The following TMCC1 variants were observed in gnomAD, a reference collection of about 807,000 sequenced individuals.
The protein encoded by TMCC1 is transmembrane and coiled-coil domain family 1.
In TMCC1, 15 loss-of-function variants were observed where a neutral mutation model predicts 52.4. The observed-to-expected ratio is 0.29, with a 90% confidence interval of 0.19 to 0.44. The LOEUF is 0.44. TMCC1 is among the 20% of genes least tolerant of loss of function. The probability of loss-of-function intolerance (pLI) is 1.00; values close to 1 mark genes in which losing one functional copy is unlikely to be tolerated. For synonymous variants in TMCC1, 279 were observed against 301.9 expected, an observed-to-expected ratio of 0.92 and a Z score of 0.79; for missense variants, 503 against 806.0, an observed-to-expected ratio of 0.62 and a Z score of 4.55.
chr3:129,872,916 ATT>A (rs1359318304), intron 2 of TMCC1, among the ~76,000 whole-genome samples: 27 of 143,658 alleles, frequency 1.9e-4, no homozygotes, highest in East Asian at 2.0e-4. Flanking sequence ...TACGCATGGA[ATT>A]TTTTTTTTTT....
intron 2 of TMCC1, among the ~76,000 whole-genome samples, chr3:129,866,180 G>C (rs2060619017): frequency 6.7e-6 from 1 of 150,264 alleles, no homozygotes; most frequent in Non-Finnish European, 1.5e-5. Context: ...TTATGCTTTA[G>C]AGACTTCATC....
At chr3:129,739,843 C>T (rs764913729) in intron 4 of TMCC1, among the ~76,000 whole-genome samples, 3 of 152,240 alleles carry the variant, frequency 2.0e-5, no homozygotes, top group Non-Finnish European at 2.9e-5. Context: ...AGAAATATTG[C>T]GAAAACCTGA....
chr3:129,781,369 C>A (rs2055511523), intron 4 of TMCC1, among the ~76,000 whole-genome samples: 1 of 152,104 alleles, frequency 6.6e-6, no homozygotes, highest in South Asian at 2.1e-4. Context: ...GAGAATAAAG[C>A]AAATAGTACT....
intron 4 of TMCC1, among the ~76,000 whole-genome samples, chr3:129,758,883 T>G (rs1007708856): frequency 6.6e-6 from 1 of 152,234 alleles, no homozygotes; most frequent in East Asian, 1.9e-4. Flanking sequence ...TTCTATGAAT[T>G]TGACTGCTTA....
intron 4 of TMCC1, among the ~76,000 whole-genome samples, chr3:129,764,436 C>T (rs946317615): frequency 6.6e-6 from 1 of 152,142 alleles, no homozygotes; most frequent in African/African-American, 2.4e-5. Flanking sequence ...ACTGCTATCA[C>T]AAGGTTAAGT....
At chr3:129,874,973 A>G (rs191978443) in intron 2 of TMCC1, among the ~76,000 whole-genome samples, 158 of 152,268 alleles carry the variant, frequency 1.0e-3, no homozygotes, top group African/African-American at 3.4e-3. Context: ...ATTCTCCACA[A>G]TATTTGAGTA....
intron 5 of TMCC1, among the ~76,000 whole-genome samples, chr3:129,668,694 C>T (rs138425386): frequency 0.015 from 2,350 of 152,284 alleles, 48 homozygotes; most frequent in African/African-American, 0.054. Flanking sequence ...GGCACGATCT[C>T]GGCTCACTGC....
intron 2 of TMCC1, among the ~76,000 whole-genome samples, chr3:129,837,937 T>C (rs2059239228): frequency 6.6e-6 from 1 of 152,094 alleles, no homozygotes; most frequent in African/African-American, 2.4e-5. Flanking sequence ...AACTTGAAAA[T>C]AGGCTAGTAG....
intron 4 of TMCC1, among the ~76,000 whole-genome samples, chr3:129,706,625 A>T (rs2048265310): frequency 6.6e-6 from 1 of 152,208 alleles, no homozygotes; most frequent in Admixed American, 6.5e-5. Context: ...TCCTACTAGC[A>T]TTCAAGTGGA....
At chr3:129,696,150 G>A in intron 4 of TMCC1, among the ~76,000 whole-genome samples, 1 of 152,156 alleles carries the variant, frequency 6.6e-6, no homozygotes, top group South Asian at 2.1e-4. Context: ...ACCTTTTAGA[G>A]GTCTGAATAG....
At chr3:129,844,053 G>C (rs2059549786) in intron 2 of TMCC1, among the ~76,000 whole-genome samples, 1 of 152,182 alleles carries the variant, frequency 6.6e-6, no homozygotes, top group Non-Finnish European at 1.5e-5. Context: ...GTTTATCCCA[G>C]GGATGTAGGG....
chr3:129,814,946 TG>T (rs532732532), intron 4 of TMCC1, among the ~76,000 whole-genome samples: 149 of 152,218 alleles, frequency 9.8e-4, no homozygotes, highest in African/African-American at 3.3e-3. Flanking sequence ...ACTGATAGAC[TG>T]TAATACAATA....
intron 4 of TMCC1, among the ~76,000 whole-genome samples, chr3:129,724,476 C>A (rs908942454): frequency 6.6e-6 from 1 of 152,194 alleles, no homozygotes; most frequent in African/African-American, 2.4e-5. Flanking sequence ...AGCTGAAGAA[C>A]CCCAAACCAC....
intron 5 of TMCC1, among the ~76,000 whole-genome samples, chr3:129,655,818 C>T (rs1170434593): frequency 6.6e-6 from 1 of 152,110 alleles, no homozygotes; most frequent in South Asian, 2.1e-4. Flanking sequence ...GACAGAGTGC[C>T]GGTGATCGCC....
intron 2 of TMCC1, among the ~76,000 whole-genome samples, chr3:129,853,652 T>C (rs553215770): frequency 1.6e-3 from 216 of 135,884 alleles, no homozygotes; most frequent in African/African-American, 5.8e-3. Flanking sequence ...AAAAAAAAAA[T>C]CAATAAAATA....
chr3:129,803,504 G>T (rs1339596427), intron 4 of TMCC1, among the ~76,000 whole-genome samples: 1 of 152,120 alleles, frequency 6.6e-6, no homozygotes, highest in African/African-American at 2.4e-5. Context: ...CATTTGTTAT[G>T]TGTTTTTACC....
At chr3:129,779,177 T>G (rs2055309646) in intron 4 of TMCC1, among the ~76,000 whole-genome samples, 2 of 152,156 alleles carry the variant, frequency 1.3e-5, no homozygotes, top group African/African-American at 4.8e-5. Flanking sequence ...AGAAATGAAT[T>G]GGTAGCAGAA....
At chr3:129,721,736 C>T (rs1468158002) in intron 4 of TMCC1, among the ~76,000 whole-genome samples, 4 of 148,358 alleles carry the variant, frequency 2.7e-5, no homozygotes, top group South Asian at 2.1e-4. Context: ...ATTAGCTGGG[C>T]GTGGTGGCAG....
At chr3:129,735,256 T>C (rs893953402) in intron 4 of TMCC1, among the ~76,000 whole-genome samples, 2 of 152,106 alleles carry the variant, frequency 1.3e-5, no homozygotes, top group Admixed American at 6.5e-5. Context: ...TATGAGAACA[T>C]ATATACATTA....
Sources: gnomAD v4.1 joint callset for allele counts (sites outside exome capture counted in the v4.1 genomes callset) on GRCh38, gnomAD v4.1.1 for gene constraint, MANE v1.5 for transcripts, NCBI Gene and HGNC (gene_info 2026-07-23, HGNC 2026-07-21) for gene names.